SPRY4: variants seen among roughly 807,000 people sequenced by gnomAD.
The protein encoded by SPRY4 is sprouty RTK signaling antagonist 4.
In SPRY4, 7 loss-of-function variants were observed where a neutral mutation model predicts 17.0. That is an observed-to-expected ratio of 0.41 (90% CI 0.23 to 0.77). The LOEUF (loss-of-function observed/expected upper bound fraction) is 0.77, where lower values mean the gene tolerates loss of function less well. Among genes scored for constraint, SPRY4 ranks in the 30% least tolerant of loss-of-function variants. The pLI is 0.32. For synonymous variants in SPRY4, 183 were observed against 174.1 expected, an observed-to-expected ratio of 1.05 and a Z score of -0.40; for missense variants, 435 against 419.9, an observed-to-expected ratio of 1.04 and a Z score of -0.31.
At position 142,313,380 on chromosome 5, in the gene SPRY4, A is replaced by G. The variant is rs1389330374; in HGVS notation, c.*829T>C. ...TGCCGCCCTGGCTTCCTCTACCCATATAAAGTTTCTGGAAGGGATCTGAGT... is the reference window on the plus strand; with the variant it reads ...TGCCGCCCTGGCTTCCTCTACCCATGTAAAGTTTCTGGAAGGGATCTGAGT... On this transcript the variant is annotated 3_prime_UTR_variant, in exon 2 of 2. Coordinates refer to ENST00000434127, the MANE Select transcript of SPRY4 (RefSeq NM_001127496.3). 6.6e-6 allele frequency: 1 copy of G among 152,564 alleles called. No homozygotes were observed. Among genetic ancestry groups the G allele is most frequent in the East Asian group, 1.9e-4 (1 of 5,192 alleles). The allele number at this position is 152,564 out of a possible 1,614,324, so 9.5% of individuals were successfully genotyped here.
intron 1 of SPRY4, chr5:142,317,940 T>C: frequency 1.0e-6 from 1 of 985,346 alleles, no homozygotes; most frequent in African/African-American, 1.7e-5. Flanking sequence ...ATCCGATGGC[T>C]CCACTGGGCA....
Position 142,311,922 on chromosome 5 carries a change from A to T in SPRY4, c.*2287T>A, listed in dbSNP as rs886968467. 3 of 65,644 alleles carry T rather than the reference A, an allele frequency of 4.6e-5. No homozygotes were observed. The allele number at this position is 65,644 out of a possible 1,614,324, so 4.1% of individuals were successfully genotyped here. Reference sequence around the variant, plus strand: ...ATAGGGTCTTTGTCGGTAGACAGTCAGTGTGGGGTAGGGGTGTGTGTGTGT... The same window carrying T: ...ATAGGGTCTTTGTCGGTAGACAGTCTGTGTGGGGTAGGGGTGTGTGTGTGT... On this transcript the variant is annotated 3_prime_UTR_variant, in exon 2 of 2. Coordinates refer to ENST00000434127, the MANE Select transcript of SPRY4 (RefSeq NM_001127496.3).
rs147015885 is a variant in SPRY4 at position 142,322,689 on chromosome 5, A to T, written c.-48+2155T>A. 3.9e-5 allele frequency among the ~76,000 whole-genome samples: 6 copies of T among 152,080 alleles called. No homozygotes were observed. The East Asian group carries it at 1.2e-3, about 29-fold the overall frequency. ...AAGGGCAAGAGGGCATTTACACTCC[A>T]CTGAAAGGGAGTGACTCCTGATAAC... On this transcript the variant is annotated intron_variant, in intron 1 of 1. Coordinates refer to ENST00000434127, the MANE Select transcript of SPRY4 (RefSeq NM_001127496.3).
At position 142,310,502 on chromosome 5, in the gene SPRY4, G is replaced by GT. The variant is rs914869918; in HGVS notation, c.*3706dup. 6.6e-6 allele frequency: 1 copy of GT among 152,296 alleles called. No homozygotes were observed. Among genetic ancestry groups the GT allele is most frequent in the East Asian group, 1.9e-4 (1 of 5,194 alleles). The allele number at this position is 152,296 out of a possible 1,614,324, so 9.4% of individuals were successfully genotyped here. A position where few individuals can be genotyped will look rare whatever the true frequency, so the allele number is the denominator to read the frequency against. The stretch of plus-strand genomic sequence containing the variant: ...AATCAGTACATTCAGTTTTTAACTT[G>GT]TTTTTTTCTTCACAAACAGAAGAAC... On this transcript the variant is annotated 3_prime_UTR_variant, in exon 2 of 2. Coordinates refer to ENST00000434127, the MANE Select transcript of SPRY4 (RefSeq NM_001127496.3).
At chr5:142,318,141 C>A (rs1759220643) in intron 1 of SPRY4, 1 of 984,944 alleles carries the variant, frequency 1.0e-6, no homozygotes, top group Non-Finnish European at 1.2e-6. Context: ...TATTTAAGAA[C>A]CCCTCAGCAC....
In SPRY4 at chr5:142,321,935, T is replaced by C. The variant is rs552233369; in HGVS notation, c.-48+2909A>G. 2.8e-4 allele frequency among the ~76,000 whole-genome samples: 43 copies of C among 152,342 alleles called. 1 individual carries two copies. Among genetic ancestry groups the C allele is most frequent in the Non-Finnish European group, 4.3e-4 (29 of 68,016 alleles). ...ATCCCCACATATGGTCCCAAAGTAT[T>C]AAATCCCAGAGCAACACAGCTCAAG... On this transcript the variant is annotated intron_variant, in intron 1 of 1. Coordinates refer to ENST00000434127, the MANE Select transcript of SPRY4 (RefSeq NM_001127496.3).
chr5:142,318,899 C>A (rs1262554893), intron 1 of SPRY4, among the ~76,000 whole-genome samples: 1 of 152,196 alleles, frequency 6.6e-6, no homozygotes, highest in East Asian at 1.9e-4. Flanking sequence ...CGAAACATTT[C>A]TTGGTGCCAG....
Position 142,314,934 on chromosome 5 carries a change from C to T in SPRY4, c.175G>A (p.Ala59Thr). 1.2e-6 allele frequency: 2 copies of T among 1,613,378 alleles called. No individual in the cohort carries two copies. The highest frequency in any genetic ancestry group is 1.7e-6 in the Non-Finnish European group (2 of 1,179,436). Residue 59 changes from alanine to threonine, a missense_variant, in exon 2 of 2, where the codon GCC (alanine) becomes ACC (threonine). By Grantham distance (58) the Ala-to-Thr change is moderately conservative (BLOSUM62 0). Transcript: ENST00000434127. The surrounding 1 kb of genome is among the most constrained non-coding windows in gnomAD (Gnocchi z 4.8). ...ENDYIDNPSL[A>T]LTTGPKRTRG... is the part of the protein sequence containing the mutation. ...GTCCGCTTTGGGCCGGTGGTCAGGG[C>T]CAGGCTAGGGTTGTCTATGTAGTCA...
In SPRY4 at chr5:142,313,378, A is replaced by G. The variant is rs538067643; in HGVS notation, c.*831T>C. ...TTTGCCGCCCTGGCTTCCTCTACCCATATAAAGTTTCTGGAAGGGATCTGA... is the reference window on the plus strand; with the variant it reads ...TTTGCCGCCCTGGCTTCCTCTACCCGTATAAAGTTTCTGGAAGGGATCTGA... On this transcript the variant is annotated 3_prime_UTR_variant, in exon 2 of 2. Coordinates refer to ENST00000434127, the MANE Select transcript of SPRY4 (RefSeq NM_001127496.3). 7.2e-5 allele frequency: 11 copies of G among 152,516 alleles called. No individual in the cohort carries two copies. Among genetic ancestry groups the G allele is most frequent in the Non-Finnish European group, 1.6e-4 (11 of 68,034 alleles). 9.4% of individuals were successfully genotyped at this position (152,516 alleles called of 1,614,324 possible).
intron 1 of SPRY4, chr5:142,318,184 A>T: frequency 7.1e-6 from 7 of 985,068 alleles, no homozygotes; most frequent in Non-Finnish European, 8.4e-6. Flanking sequence ...AAAAAGAAAG[A>T]AAAAAAGAAA....
intron 1 of SPRY4, among the ~76,000 whole-genome samples, chr5:142,316,298 C>T (rs575768465): frequency 3.3e-5 from 5 of 152,080 alleles, no homozygotes; most frequent in African/African-American, 7.2e-5. Context: ...AATCAAAGAG[C>T]GGAAACTGCT....
In SPRY4 at chr5:142,314,732, G is replaced by A. The variant is rs149303276; in HGVS notation, c.377C>T (p.Pro126Leu). ...APPPVADQAS[P>L]RAVRIQPKVV... is the part of the protein sequence containing the mutation. The stretch of plus-strand genomic sequence containing the variant: ...CTTGGGCTGGATGCGCACAGCCCTT[G>A]GTGAGGCCTGGTCAGCCACGGGTGG... The change falls in exon 2 of 2, where the codon CCA (proline) becomes CTA (leucine). Residue 126 changes from proline (P) to leucine (L), a missense_variant. Coordinates refer to ENST00000434127, the MANE Select transcript of SPRY4 (RefSeq NM_001127496.3). The surrounding 1 kb of genome is among the most constrained non-coding windows in gnomAD (Gnocchi z 4.8). 3.5e-5 allele frequency: 56 copies of A among 1,609,674 alleles called. No individual in the cohort carries two copies. In the African/African-American group the frequency reaches 7.3e-4, roughly 21 times the overall value.
intron 1 of SPRY4, among the ~76,000 whole-genome samples, chr5:142,323,379 G>A (rs555875294): frequency 4.6e-5 from 7 of 152,310 alleles, no homozygotes; most frequent in African/African-American, 1.4e-4. Flanking sequence ...CTGATTTGGA[G>A]GCAGGAAAGA....
At chr5:142,315,230 C>A (rs1395773751) in intron 1 of SPRY4, 75 bp from the exon 2 acceptor site, 1 of 964,220 alleles carries the variant, frequency 1.0e-6, no homozygotes. Flanking sequence ...TACCTCACCC[C>A]CCATCAGGTC....
Position 142,312,967 on chromosome 5 carries a change from C to T in SPRY4, c.*1242G>A, listed in dbSNP as rs552497253. On this transcript the variant is annotated 3_prime_UTR_variant, in exon 2 of 2. Coordinates refer to ENST00000434127, the MANE Select transcript of SPRY4 (RefSeq NM_001127496.3). The stretch of plus-strand genomic sequence containing the variant: ...GGGCTTCCTAACACTAAAATAGACT[C>T]TTTTTTCATCATCTCTCTATTTACA... 1 of 152,718 alleles carries T rather than the reference C, an allele frequency of 6.5e-6. No individual in the cohort carries two copies. The highest frequency in any genetic ancestry group is 1.5e-5 in the Non-Finnish European group (1 of 68,046). The allele number at this position is 152,718 out of a possible 1,614,324, so 9.5% of individuals were successfully genotyped here. A position where few individuals can be genotyped will look rare whatever the true frequency, so the allele number is the denominator to read the frequency against.
chr5:142,314,382 C>G lies in SPRY4; in HGVS notation c.727G>C (p.Val243Leu). The change falls in exon 2 of 2, where the codon GTG (valine) becomes CTG (leucine). Residue 243 changes from valine to leucine, a missense_variant. By Grantham distance (32) the Val-to-Leu change is conservative (BLOSUM62 1). Coordinates refer to ENST00000434127, the MANE Select transcript of SPRY4 (RefSeq NM_001127496.3). This position sits in a 1 kb window ranked among gnomAD's most constrained non-coding sequence, Gnocchi z 4.8. The part of the protein sequence containing the change: ...ARWSFMGALS[V>L]VLPCLLCYLP... ...TAGCAGAGCAGGCAGGGCAGCACCA[C>G]GGAGAGAGCACCCATGAAGGACCAG... is the stretch of plus-strand genomic sequence containing the variant. The G allele has an allele frequency of 6.2e-7, 1 of 1,613,964 alleles. No homozygotes were observed. Among genetic ancestry groups the G allele is most frequent in the Non-Finnish European group, 8.5e-7 (1 of 1,179,938 alleles).
intron 1 of SPRY4, chr5:142,318,167 CA>C (rs367761988): frequency 7.6e-3 from 4,999 of 655,572 alleles, no homozygotes; most frequent in Non-Finnish European, 8.5e-3. Context: ...AATGATGTCT[CA>C]AAAAAAAAAA....
Position 142,313,458 on chromosome 5 carries a change from C to T in SPRY4, c.*751G>A, listed in dbSNP as rs1596861502. ...AGGCGAGTCTGTGACTCAGTAAGAA[C>T]CGAAGGACGGTGTGGTGAGCAGAAC... On this transcript the variant is annotated 3_prime_UTR_variant, in exon 2 of 2. Coordinates refer to ENST00000434127, the MANE Select transcript of SPRY4 (RefSeq NM_001127496.3). The T allele has an allele frequency of 6.6e-6, 1 of 152,412 alleles. No homozygotes were observed. The allele number at this position is 152,412 out of a possible 1,614,324, so 9.4% of individuals were successfully genotyped here. A position where few individuals can be genotyped will look rare whatever the true frequency, so the allele number is the denominator to read the frequency against.
At position 142,310,819 on chromosome 5, in the gene SPRY4, G is replaced by T. The variant is rs1344393644; in HGVS notation, c.*3390C>A. 1 of 152,254 alleles carries T rather than the reference G, an allele frequency of 6.6e-6. No homozygotes were observed. Among genetic ancestry groups the T allele is most frequent in the Non-Finnish European group, 1.5e-5 (1 of 68,100 alleles). The allele number at this position is 152,254 out of a possible 1,614,324, so 9.4% of individuals were successfully genotyped here. On this transcript the variant is annotated 3_prime_UTR_variant, in exon 2 of 2. Transcript: ENST00000434127. ...TCATCGACTGTCACAGTAAGCAGAG[G>T]GGGCACAAAAATGCTTGTCAAAGGC... is the stretch of plus-strand genomic sequence containing the variant.
Sources: gnomAD v4.1 joint callset for allele counts (sites outside exome capture counted in the v4.1 genomes callset) on GRCh38, gnomAD v4.1.1 for gene constraint, Gnocchi (gnomAD v3.1) non-coding constraint, MANE v1.5 for transcripts, NCBI Gene and HGNC (gene_info 2026-07-23, HGNC 2026-07-21) for gene names.